NSD1: variants seen among roughly 807,000 people sequenced by gnomAD.
NSD1 encodes nuclear receptor binding SET domain protein 1.
NSD1 carries 26 observed loss-of-function variants against 242.7 expected under a neutral mutation model. The ratio of observed to expected loss-of-function variants is 0.11; its 90% CI spans 0.08 to 0.15. NSD1 has a LOEUF of 0.15. NSD1 is among the 10% of genes least tolerant of loss of function. The pLI is 1.00. For missense variants in NSD1, 2,495 were observed against 3,272.8 expected (o/e 0.76, Z 5.80); for synonymous variants, 1,106 against 1,178.1 (o/e 0.94, Z 1.25).
intron 2 of NSD1, among the ~76,000 whole-genome samples, chr5:177,156,538 G>C (rs890408787): frequency 2.0e-5 from 3 of 152,072 alleles, no homozygotes; most frequent in African/African-American, 7.2e-5. Flanking sequence ...GACTTGGCTT[G>C]GAGCGGTGGC....
chr5:177,145,998 A>G (rs1757209289), intron 2 of NSD1, among the ~76,000 whole-genome samples: 1 of 150,742 alleles, frequency 6.6e-6, no homozygotes, highest in African/African-American at 2.4e-5. Flanking sequence ...CTGAGGTTGG[A>G]GGATTGCTTG....
intron 5 of NSD1, among the ~76,000 whole-genome samples, chr5:177,233,673 A>G (rs1019757174): frequency 6.6e-6 from 1 of 151,846 alleles, no homozygotes; most frequent in African/African-American, 2.4e-5. Context: ...ACAGAAAGGC[A>G]TGGATATCTA....
In NSD1 at chr5:177,214,040, C is replaced by T. The variant is rs185551060; in HGVS notation, c.3796+1845C>T. Among the ~76,000 whole-genome samples, 315 of 151,758 alleles carry T rather than the reference C, an allele frequency of 2.1e-3. 1 individual carries two copies. Among genetic ancestry groups the T allele is most frequent in the Non-Finnish European group, 3.8e-3 (257 of 67,930 alleles). On this transcript the variant is annotated intron_variant, in intron 5 of 22. Transcript: ENST00000439151. The stretch of plus-strand genomic sequence containing the variant: ...GGCTAGAGTGAGATTTACTCTTTAA[C>T]GGTATTTACGGCCAGGTGCGGTGGC...
intron 2 of NSD1, among the ~76,000 whole-genome samples, chr5:177,153,154 T>C (rs944260072): frequency 3.9e-5 from 6 of 151,962 alleles, no homozygotes; most frequent in Non-Finnish European, 8.8e-5. Flanking sequence ...GTAAGTGAAG[T>C]CTTGATAGAT....
intron 2 of NSD1, among the ~76,000 whole-genome samples, chr5:177,144,393 T>C (rs990263392): frequency 5.4e-4 from 78 of 144,808 alleles, no homozygotes; most frequent in African/African-American, 1.9e-3. Context: ...TTTTTTTTTT[T>C]CTCTATTTTT....
upstream of NSD1, among the ~76,000 whole-genome samples, chr5:177,132,531 T>C (rs551409441): frequency 3.4e-4 from 52 of 151,688 alleles, no homozygotes; most frequent in African/African-American, 1.2e-3. The surrounding 1 kb of genome is among the most constrained non-coding windows in gnomAD (Gnocchi z 7.5). Flanking sequence ...CGAGGACCCC[T>C]GGGCTCGGGG....
chr5:177,253,173 T>A (rs1486725574), intron 12 of NSD1, among the ~76,000 whole-genome samples: 3 of 152,096 alleles, frequency 2.0e-5, no homozygotes, highest in Non-Finnish European at 4.4e-5. Context: ...TACACTAGAT[T>A]GAAGGGTGAG....
intron 5 of NSD1, among the ~76,000 whole-genome samples, chr5:177,223,039 TGTGG>T (rs1764357924): frequency 1.3e-5 from 2 of 152,046 alleles, no homozygotes; most frequent in African/African-American, 2.4e-5. Context: ...TTTTGCTGCA[TGTGG>T]GTGTCCACTT....
chr5:177,248,620 TC>T (rs1766486777), intron 11 of NSD1, among the ~76,000 whole-genome samples: 1 of 152,204 alleles, frequency 6.6e-6, no homozygotes, highest in South Asian at 2.1e-4. Flanking sequence ...AATATAATTC[TC>T]CAGTACTTCT....
In NSD1 at chr5:177,295,563, G is replaced by A. The variant is rs886092147; in HGVS notation, c.*104G>A. ...CCTTAAAAAAAAACACATCTGCCCC[G>A]AACACTTTCCCACTGTTATTCTTTC... is the stretch of plus-strand genomic sequence containing the variant. On this transcript the variant is annotated 3_prime_UTR_variant, in exon 23 of 23. Coordinates refer to ENST00000439151, the MANE Select transcript of NSD1 (RefSeq NM_022455.5). This position sits in a 1 kb window ranked among gnomAD's most constrained non-coding sequence, Gnocchi z 4.3. 14 of 1,174,898 alleles carry A rather than the reference G, an allele frequency of 1.2e-5. No homozygotes were observed. Among genetic ancestry groups the A allele is most frequent in the Admixed American group, 5.9e-5 (3 of 50,506 alleles). The allele number at this position is 1,174,898 out of a possible 1,614,324, so 72.8% of individuals were successfully genotyped here.
intron 2 of NSD1, among the ~76,000 whole-genome samples, chr5:177,154,484 A>T (rs542867071): frequency 6.6e-6 from 1 of 152,192 alleles, no homozygotes; most frequent in Non-Finnish European, 1.5e-5. Context: ...TTGAATAGAT[A>T]TATGATTAAA....
At chr5:177,270,196 G>A (rs1055726896) in intron 16 of NSD1, among the ~76,000 whole-genome samples, 3 of 109,434 alleles carry the variant, frequency 2.7e-5, no homozygotes, top group South Asian at 2.9e-4. Context: ...TCTTGAGCTC[G>A]TTGGGAAGAA....
intron 2 of NSD1, among the ~76,000 whole-genome samples, chr5:177,171,210 G>A (rs1759675969): frequency 6.6e-6 from 1 of 151,936 alleles, no homozygotes; most frequent in Non-Finnish European, 1.5e-5. Context: ...AGGAGGCTGA[G>A]GAAGGAGAAT....
intron 10 of NSD1, 63 bp downstream of exon 10, chr5:177,246,859 A>G (rs1766340443): frequency 1.7e-6 from 2 of 1,147,986 alleles, no homozygotes; most frequent in East Asian, 2.4e-5. Context: ...GCCAGAGGCC[A>G]CATCCCTCTT....
intron 21 of NSD1, among the ~76,000 whole-genome samples, chr5:177,290,411 T>C: frequency 6.7e-6 from 1 of 150,254 alleles, no homozygotes; most frequent in South Asian, 2.1e-4. Flanking sequence ...TAAATAAATT[T>C]TTTTTTTTTT....
At position 177,185,877 on chromosome 5, in the gene NSD1, A is replaced by AAT. The variant is rs1178347006; in HGVS notation, c.928-5999_928-5998dup. ...TTATATATTATATATTTATATAATT[A>AAT]ATATATATAATATATTTATATATTT... is the stretch of plus-strand genomic sequence containing the variant. On this transcript the variant is annotated intron_variant, in intron 2 of 22. Transcript: ENST00000439151. Among the ~76,000 whole-genome samples the AAT allele has an allele frequency of 1.3e-3, 118 of 87,752 alleles. 1 individual carries two copies. The highest frequency in any genetic ancestry group is 2.0e-3 in the Non-Finnish European group (100 of 50,604). 57.6% of individuals were successfully genotyped at this position (87,752 alleles called of 152,430 possible). A position where few individuals can be genotyped will look rare whatever the true frequency, so the allele number is the denominator to read the frequency against.
intron 5 of NSD1, among the ~76,000 whole-genome samples, chr5:177,216,469 C>G (rs1763780699): frequency 6.6e-6 from 1 of 151,708 alleles, no homozygotes; most frequent in South Asian, 2.1e-4. Context: ...AGTTGGAGGT[C>G]TTATGTTTAG....
intron 5 of NSD1, among the ~76,000 whole-genome samples, chr5:177,231,056 TTAAC>T (rs1765015210): frequency 6.6e-6 from 1 of 152,090 alleles, no homozygotes; most frequent in South Asian, 2.1e-4. Flanking sequence ...ACCTCAATAA[TTAAC>T]TAATAAGATG....
chr5:177,148,990 TG>T (rs1757479436), intron 2 of NSD1, among the ~76,000 whole-genome samples: 1 of 150,974 alleles, frequency 6.6e-6, no homozygotes, highest in Non-Finnish European at 1.5e-5. Flanking sequence ...GCTAATTTTT[TG>T]TATTTTTAGT....
Sources: allele counts gnomAD v4.1 joint callset (sites outside exome capture counted in the v4.1 genomes callset), GRCh38; gene constraint gnomAD v4.1.1; non-coding constraint Gnocchi (gnomAD v3.1); transcripts MANE v1.5; gene names NCBI Gene and HGNC (gene_info 2026-07-23, HGNC 2026-07-21).